EFCAB11: variants seen among roughly 807,000 people sequenced by gnomAD.
EFCAB11 encodes EF-hand calcium binding domain 11, also known as EF-hand calcium-binding domain-containing protein 11.
Under a neutral mutation model 23.0 loss-of-function variants are expected in EFCAB11, and 14 were observed. The ratio of observed to expected loss-of-function variants is 0.61; its 90% CI spans 0.40 to 0.95. EFCAB11 has a LOEUF of 0.95. EFCAB11 is among the 40% of genes least tolerant of loss of function. The pLI, the probability that EFCAB11 is intolerant of heterozygous loss-of-function variation, is 0.00. For missense variants in EFCAB11, 198 were observed against 195.8 expected, an observed-to-expected ratio of 1.01 and a Z score of -0.07; for synonymous variants, 65 against 66.6, an observed-to-expected ratio of 0.98 and a Z score of 0.11.
At chr14:89,836,474 G>C in intron 5 of EFCAB11, 1 of 442,340 alleles carries the variant, frequency 2.3e-6, no homozygotes, top group Non-Finnish European at 4.6e-6. Flanking sequence ...GTTTGAAGGG[G>C]ATGTGGATTA....
At chr14:89,895,346 CA>C (rs1157378705) in intron 5 of EFCAB11, among the ~76,000 whole-genome samples, 4 of 152,142 alleles carry the variant, frequency 2.6e-5, no homozygotes, top group Non-Finnish European at 4.4e-5. Context: ...TGGTTTTTAA[CA>C]AGCTAGTTTC....
chr14:89,954,021 TTTAG>T lies in EFCAB11; in HGVS notation c.76-24_76-21del, dbSNP rs756251501. 5.7e-6 allele frequency: 9 copies of T among 1,572,882 alleles called. No individual in the cohort carries two copies. In the Admixed American group the frequency reaches 1.0e-4, roughly 18 times the overall value. On this transcript the variant is annotated intron_variant, in intron 1 of 5. Coordinates refer to ENST00000316738, the MANE Select transcript of EFCAB11 (RefSeq NM_145231.4). ...AAATACCTGAAGAACATTAAATAGC[TTTAG>T]TTAATGAGACAGAAATGGTTTATTT...
chr14:89,830,840 TAAAC>T (rs956156324), intron 5 of EFCAB11: 1 of 152,218 alleles, frequency 6.6e-6, no homozygotes, highest in Non-Finnish European at 1.5e-5. Flanking sequence ...GCTATGGTTG[TAAAC>T]AAACCTTTAA....
At chr14:89,804,340 C>T (rs141294882) in intron 5 of EFCAB11, among the ~76,000 whole-genome samples, 29 of 152,332 alleles carry the variant, frequency 1.9e-4, no homozygotes, top group Non-Finnish European at 3.7e-4. Context: ...AGCCTGTGCA[C>T]GAATTATTGA....
chr14:89,911,496 G>T (rs541599884), intron 5 of EFCAB11, among the ~76,000 whole-genome samples: 2 of 152,220 alleles, frequency 1.3e-5, no homozygotes, highest in Admixed American at 1.3e-4. Context: ...TCCGCACACA[G>T]CTCCTTGTAA....
At chr14:89,833,603 G>A (rs1463758191) in intron 5 of EFCAB11, among the ~76,000 whole-genome samples, 1 of 152,112 alleles carries the variant, frequency 6.6e-6, no homozygotes, top group Non-Finnish European at 1.5e-5. Flanking sequence ...CTGGTGTGTG[G>A]CACTCAAGTT....
intron 5 of EFCAB11, among the ~76,000 whole-genome samples, chr14:89,817,747 A>C (rs1886379679): frequency 6.6e-6 from 1 of 151,996 alleles, no homozygotes; most frequent in Middle Eastern, 3.4e-3. Flanking sequence ...TAATCCCAGC[A>C]CTTTGGGAGG....
intron 5 of EFCAB11, among the ~76,000 whole-genome samples, chr14:89,904,545 C>T (rs1405169425): frequency 6.6e-6 from 1 of 152,130 alleles, no homozygotes; most frequent in African/African-American, 2.4e-5. Flanking sequence ...CTTGAGGAAT[C>T]GCCACACTGT....
intron 5 of EFCAB11, among the ~76,000 whole-genome samples, chr14:89,861,629 TC>T (rs1305703307): frequency 4.6e-5 from 7 of 152,146 alleles, no homozygotes; most frequent in African/African-American, 1.7e-4. Flanking sequence ...GGAAACTTAA[TC>T]CCCAAATTTA....
intron 5 of EFCAB11, among the ~76,000 whole-genome samples, chr14:89,856,881 C>G (rs968534949): frequency 6.6e-6 from 1 of 152,144 alleles, no homozygotes. Flanking sequence ...TTTTCAAGAC[C>G]CTTTTATCCA....
intron 5 of EFCAB11, among the ~76,000 whole-genome samples, chr14:89,849,914 C>T (rs1199624749): frequency 2.0e-5 from 3 of 152,148 alleles, no homozygotes; most frequent in African/African-American, 7.2e-5. Context: ...ATTAATTCTA[C>T]CACCTTGAGA....
chr14:89,806,079 C>A (rs985885394), intron 5 of EFCAB11, among the ~76,000 whole-genome samples: 5 of 152,016 alleles, frequency 3.3e-5, no homozygotes, highest in African/African-American at 1.2e-4. Flanking sequence ...ATTGAGGGAA[C>A]TAATATATAT....
At chr14:89,849,385 T>C (rs558485389) in intron 5 of EFCAB11, among the ~76,000 whole-genome samples, 2 of 152,320 alleles carry the variant, frequency 1.3e-5, no homozygotes, top group African/African-American at 2.4e-5. Flanking sequence ...TGTCCAACAA[T>C]TGGCAGATTA....
At chr14:89,947,733 A>G (rs1013201572) in intron 3 of EFCAB11, among the ~76,000 whole-genome samples, 6 of 151,520 alleles carry the variant, frequency 4.0e-5, no homozygotes, top group Non-Finnish European at 7.4e-5. Context: ...CTCCTTTGCC[A>G]TTTCTTCATC....
At chr14:89,931,952 C>T (rs911669953) in intron 4 of EFCAB11, among the ~76,000 whole-genome samples, 7 of 152,140 alleles carry the variant, frequency 4.6e-5, no homozygotes, top group African/African-American at 1.2e-4. Flanking sequence ...TGAGTCTTTG[C>T]GAGTTGCCAA....
At position 89,824,827 on chromosome 14, in the gene EFCAB11, C is replaced by T. The variant is rs561023262; in HGVS notation, c.411-27503G>A. Among the ~76,000 whole-genome samples the T allele has an allele frequency of 2.2e-4, 34 of 152,058 alleles. No homozygotes were observed. In the South Asian group the frequency reaches 3.9e-3, roughly 18 times the overall value. ...AAGACATAATAATTCTAAACGTATA[C>T]GTACCTAATAACAGAGCTTAAAAAT... On this transcript the variant is annotated intron_variant, in intron 5 of 5. Coordinates refer to ENST00000316738, the MANE Select transcript of EFCAB11 (RefSeq NM_145231.4).
chr14:89,828,748 T>C (rs1287586408), intron 5 of EFCAB11, among the ~76,000 whole-genome samples: 1 of 152,190 alleles, frequency 6.6e-6, no homozygotes, highest in Non-Finnish European at 1.5e-5. Context: ...CATATAAACA[T>C]TAGGGCTTTA....
intron 5 of EFCAB11, among the ~76,000 whole-genome samples, chr14:89,865,146 C>T (rs541266272): frequency 1.2e-3 from 179 of 152,296 alleles, no homozygotes; most frequent in African/African-American, 3.9e-3. Flanking sequence ...ACCACTGACA[C>T]GGGGCAAGGG....
At chr14:89,893,790 C>A (rs1408762397) in intron 5 of EFCAB11, among the ~76,000 whole-genome samples, 113 of 143,950 alleles carry the variant, frequency 7.8e-4, no homozygotes, top group Non-Finnish European at 1.2e-3. Flanking sequence ...AAAAAAAAAA[C>A]AAACAAACAA....
Sources: allele counts gnomAD v4.1 joint callset (sites outside exome capture counted in the v4.1 genomes callset), GRCh38; gene constraint gnomAD v4.1.1; transcripts MANE v1.5; gene names NCBI Gene and HGNC (gene_info 2026-07-23, HGNC 2026-07-21).